The following ZNF26 variants were observed in gnomAD, a reference collection of about 807,000 sequenced individuals.
ZNF26 encodes the protein epididymis luminal protein 179.
Under a neutral mutation model 54.9 loss-of-function variants are expected in ZNF26, and 32 were observed. That is an observed-to-expected ratio of 0.58 (90% CI 0.44 to 0.78). The LOEUF is 0.78. Ranked by LOEUF, ZNF26 falls within the 30% of genes least tolerant of loss-of-function variation. The pLI is 0.00. For missense variants in ZNF26, 524 were observed against 634.0 expected, an observed-to-expected ratio of 0.83 and a Z score of 1.86; for synonymous variants, 221 against 209.2, an observed-to-expected ratio of 1.06 and a Z score of -0.49.
chr12:133,006,975 C>A, intron 1 of ZNF26, 67 bp from the exon 2 acceptor site: 2 of 1,571,092 alleles, frequency 1.3e-6, no homozygotes, highest in Non-Finnish European at 1.8e-6. Context: ...CTTCCCAGTT[C>A]CTCTGCATCT....
Position 133,012,394 on chromosome 12 carries a change from T to C in ZNF26, c.*913T>C, listed in dbSNP as rs1953497227. On this transcript the variant is annotated 3_prime_UTR_variant, in exon 4 of 4. Coordinates refer to ENST00000328654, the MANE Select transcript of ZNF26 (RefSeq NM_019591.4). ...GAATTTTGAGTCTGTAATTCATTTG[T>C]ACATGAACCAGAAAATGTGGGAACT... 1 of 152,124 alleles carries C rather than the reference T, an allele frequency of 6.6e-6. No individual in the cohort carries two copies. Among genetic ancestry groups the C allele is most frequent in the Non-Finnish European group, 1.5e-5 (1 of 68,018 alleles). 9.4% of individuals were successfully genotyped at this position (152,124 alleles called of 1,614,324 possible).
At position 133,015,060 on chromosome 12, in the gene ZNF26, AAGT is replaced by A. The variant is rs1260760962; in HGVS notation, c.*3585_*3587del. The A allele has an allele frequency of 6.6e-6, 1 of 152,060 alleles. No homozygotes were observed. Among genetic ancestry groups the A allele is most frequent in the Non-Finnish European group, 1.5e-5 (1 of 68,132 alleles). The allele number at this position is 152,060 out of a possible 1,614,324, so 9.4% of individuals were successfully genotyped here. On this transcript the variant is annotated 3_prime_UTR_variant, in exon 4 of 4. Coordinates refer to ENST00000328654, the MANE Select transcript of ZNF26 (RefSeq NM_019591.4). Reference sequence around the variant, plus strand: ...AGACCCAATAAAAGTGTGTTATTGAAAGTAGTAGCTACTGGCCGGGCGTGGTGG... The same window carrying A: ...AGACCCAATAAAAGTGTGTTATTGAAAGTAGCTACTGGCCGGGCGTGGTGG...
chr12:133,003,323 C>T (rs1375941411), intron 1 of ZNF26, among the ~76,000 whole-genome samples: 1 of 149,094 alleles, frequency 6.7e-6, no homozygotes, highest in African/African-American at 2.5e-5. Context: ...GGCGCAATCT[C>T]GGCACACTGC....
In ZNF26 at chr12:133,025,407, T is replaced by G. The variant is rs1191524080; in HGVS notation, c.*13926T>G. ...GAGATCCTGGTCTTCAATCTGATAT[T>G]ATAACGGGATGAGACATTGGGATCT... is the stretch of plus-strand genomic sequence containing the variant. On this transcript the variant is annotated 3_prime_UTR_variant, in exon 4 of 4. Coordinates refer to ENST00000328654, the MANE Select transcript of ZNF26 (RefSeq NM_019591.4). 1 of 152,218 alleles carries G rather than the reference T, an allele frequency of 6.6e-6. No individual in the cohort carries two copies. Among genetic ancestry groups the G allele is most frequent in the Non-Finnish European group, 1.5e-5 (1 of 68,046 alleles). The allele number at this position is 152,218 out of a possible 1,614,324, so 9.4% of individuals were successfully genotyped here.
rs35749035 is a variant in ZNF26, at chr12:133,010,124, G to GT, written c.257-5dup. On this transcript the variant is annotated splice_polypyrimidine_tract_variant and intron_variant, in intron 3 of 3. Coordinates refer to ENST00000328654, the MANE Select transcript of ZNF26 (RefSeq NM_019591.4). ...TGATTCAAAAAGTTATATTTTGTTT[G>GT]TTTTTTTGTAGATGGCTGGGAAGAA... 51 of 1,576,180 alleles carry GT rather than the reference G, an allele frequency of 3.2e-5. No homozygotes were observed. The South Asian group carries it at 4.2e-4, about 13-fold the overall frequency.
intron 1 of ZNF26, among the ~76,000 whole-genome samples, chr12:133,000,304 G>A (rs1953182197): frequency 6.6e-6 from 1 of 151,814 alleles, no homozygotes; most frequent in African/African-American, 2.4e-5. Flanking sequence ...CCAGGCTGGA[G>A]TGTAGTGGCA....
Position 132,998,505 on chromosome 12 carries a change from A to G in ZNF26, c.34-8537A>G, listed in dbSNP as rs371943692. ...AAAGGAATTTTGGATTCGACTTTTT[A>G]AAAGCTTAGAAGGCCAGAAGCCAAG... On this transcript the variant is annotated intron_variant, in intron 1 of 3. Coordinates refer to ENST00000328654, the MANE Select transcript of ZNF26 (RefSeq NM_019591.4). 5.4e-3 allele frequency among the ~76,000 whole-genome samples: 815 copies of G among 152,270 alleles called. 2 individuals carry two copies. Among genetic ancestry groups the G allele is most frequent in the Middle Eastern group, 0.048 (14 of 294 alleles).
At chr12:132,989,053 T>TC (rs1952890409) in intron 1 of ZNF26, among the ~76,000 whole-genome samples, 1 of 142,968 alleles carries the variant, frequency 7.0e-6, no homozygotes, top group Admixed American at 7.0e-5. Flanking sequence ...TTTTTTTTTT[T>TC]TTTGAGACAG....
In ZNF26 at chr12:133,015,284, G is replaced by T. The variant is rs910490308; in HGVS notation, c.*3803G>T. 2 of 151,158 alleles carry T rather than the reference G, an allele frequency of 1.3e-5. No individual in the cohort carries two copies. The highest frequency in any genetic ancestry group is 2.9e-5 in the Non-Finnish European group (2 of 67,898). The allele number at this position is 151,158 out of a possible 1,614,324, so 9.4% of individuals were successfully genotyped here. On this transcript the variant is annotated 3_prime_UTR_variant, in exon 4 of 4. Transcript: ENST00000328654. ...CAGGAGAATCGCTGGAACCCGGGAG[G>T]TGGAGGTGGCAGTGAGCAGAGATTG...
In ZNF26 at chr12:133,016,206, G is replaced by C. The variant is rs1206322254; in HGVS notation, c.*4725G>C. 2 of 151,088 alleles carry C rather than the reference G, an allele frequency of 1.3e-5. No individual in the cohort carries two copies. Among genetic ancestry groups the C allele is most frequent in the South Asian group, 4.2e-4 (2 of 4,790 alleles). The allele number at this position is 151,088 out of a possible 1,614,324, so 9.4% of individuals were successfully genotyped here. The stretch of plus-strand genomic sequence containing the variant: ...TCCTGCCTCAGCCTCCTGAGTAGCT[G>C]GGATTACAGGCACCTGCCACCACAC... On this transcript the variant is annotated 3_prime_UTR_variant, in exon 4 of 4. Transcript: ENST00000328654.
intron 1 of ZNF26, among the ~76,000 whole-genome samples, chr12:132,993,744 C>T (rs376825113): frequency 7.2e-5 from 11 of 152,214 alleles, no homozygotes; most frequent in East Asian, 5.8e-4. Context: ...GCGTGAGCCA[C>T]GGCGCGTGGT....
rs1952826907 is a variant in ZNF26, at chr12:132,986,677, C to G, written c.-164C>G. 1.5e-6 allele frequency: 1 copy of G among 671,422 alleles called. No homozygotes were observed. Among genetic ancestry groups the G allele is most frequent in the South Asian group, 1.8e-5 (1 of 54,930 alleles). 41.6% of individuals were successfully genotyped at this position (671,422 alleles called of 1,614,324 possible). On this transcript the variant is annotated 5_prime_UTR_variant, in exon 1 of 4. Transcript: ENST00000328654. ...CTAGTCACGCGCGGTCTGTGTTGGG[C>G]GAGAGCTGAGGAGCCGGCGTCCCTG...
At chr12:133,008,991 C>T (rs909020107) in intron 3 of ZNF26, among the ~76,000 whole-genome samples, 1 of 152,014 alleles carries the variant, frequency 6.6e-6, no homozygotes, top group East Asian at 2.0e-4. Flanking sequence ...GTGCCACATA[C>T]TATCAAATGA....
chr12:132,986,734 C>T lies in ZNF26; in HGVS notation c.-107C>T. On this transcript the variant is annotated 5_prime_UTR_variant, in exon 1 of 4. Transcript: ENST00000328654. ...ACTCGGCCCCGGGACGGTCAGGAGCCTGGGGCCCTGGTCCCGCACCTGTCT... is the reference window on the plus strand; with the variant it reads ...ACTCGGCCCCGGGACGGTCAGGAGCTTGGGGCCCTGGTCCCGCACCTGTCT... 7.7e-7 allele frequency: 1 copy of T among 1,296,456 alleles called. No individual in the cohort carries two copies. The highest frequency in any genetic ancestry group is 1.1e-6 in the Non-Finnish European group (1 of 934,466). The allele number at this position is 1,296,456 out of a possible 1,614,324, so 80.3% of individuals were successfully genotyped here.
In ZNF26 at chr12:133,014,242, C is replaced by A. The variant is rs1953530908; in HGVS notation, c.*2761C>A. 6.6e-6 allele frequency: 1 copy of A among 152,188 alleles called. No individual in the cohort carries two copies. The highest frequency in any genetic ancestry group is 2.4e-5 in the African/African-American group (1 of 41,436). The allele number at this position is 152,188 out of a possible 1,614,324, so 9.4% of individuals were successfully genotyped here. A position where few individuals can be genotyped will look rare whatever the true frequency, so the allele number is the denominator to read the frequency against. Reference sequence around the variant, plus strand: ...CAACACCCAGGGCAACGTGACAAAACCCTGTCTACAAAAGTTTCTTAAAAG... The same window carrying A: ...CAACACCCAGGGCAACGTGACAAAAACCTGTCTACAAAAGTTTCTTAAAAG... On this transcript the variant is annotated 3_prime_UTR_variant, in exon 4 of 4. Coordinates refer to ENST00000328654, the MANE Select transcript of ZNF26 (RefSeq NM_019591.4).
At position 133,011,377 on chromosome 12, in the gene ZNF26, C is replaced by T. The variant is rs1302621981; in HGVS notation, c.1498C>T (p.His500Tyr). The change falls in exon 4 of 4, where the codon CAT becomes TAT. Residue 500 changes from histidine to tyrosine, a missense_variant. Physicochemically the swap from His to Tyr is moderately conservative, Grantham distance 83. Coordinates refer to ENST00000328654, the MANE Select transcript of ZNF26 (RefSeq NM_019591.4). ...AFTQKSSLSE[H>Y]QRVHTGEKPW... ...CACTCAGAAGTCATCTCTCAGTGAA[C>T]ATCAGAGAGTTCACACCGGAGAGAA... The T allele has an allele frequency of 6.2e-7, 1 of 1,613,260 alleles. No homozygotes were observed. Among genetic ancestry groups the T allele is most frequent in the Non-Finnish European group, 8.5e-7 (1 of 1,179,630 alleles).
chr12:133,011,080 A>G lies in ZNF26; in HGVS notation c.1201A>G (p.Ser401Gly), dbSNP rs1953461555. 2.5e-6 allele frequency: 4 copies of G among 1,614,180 alleles called. No homozygotes were observed. The highest frequency in any genetic ancestry group is 2.7e-5 in the African/African-American group (2 of 75,058). ...TGCAGGAGAGAAGCCCTATGGATGC[A>G]GTGAATGTGGGAAGGCTTTCAGCAG... ...AHAGEKPYGC[S>G]ECGKAFSSKS... The change falls in exon 4 of 4, where the codon AGT becomes GGT. Residue 401 changes from serine (S) to glycine (G), a missense_variant. Coordinates refer to ENST00000328654, the MANE Select transcript of ZNF26 (RefSeq NM_019591.4).
chr12:133,009,196 G>T (rs1953412140), intron 3 of ZNF26, among the ~76,000 whole-genome samples: 1 of 152,182 alleles, frequency 6.6e-6, no homozygotes, highest in South Asian at 2.1e-4. Context: ...TCTCATTCTG[G>T]ACTGCTACAA....
chr12:132,987,053 C>G (rs1952837274), intron 1 of ZNF26, among the ~76,000 whole-genome samples, 180 bp downstream of exon 1: 2 of 152,176 alleles, frequency 1.3e-5, no homozygotes, highest in African/African-American at 2.4e-5. Context: ...TCTGGCCCTG[C>G]AGAAACGTGC....
Sources: gnomAD v4.1 joint callset for allele counts (sites outside exome capture counted in the v4.1 genomes callset) on GRCh38, gnomAD v4.1.1 for gene constraint, MANE v1.5 for transcripts, NCBI Gene and HGNC (gene_info 2026-07-23, HGNC 2026-07-21) for gene names.